MPP1: variants seen among roughly 807,000 people sequenced by gnomAD.
MPP1 encodes the protein MAGUK p55 scaffold protein 1.
A neutral mutation model predicts 38.2 loss-of-function variants in MPP1; 6 were observed. The observed-to-expected ratio is 0.16, with a 90% CI of 0.09 to 0.31. The LOEUF (loss-of-function observed/expected upper bound fraction) is 0.31. Among genes scored for constraint, MPP1 ranks in the 10% least tolerant of loss-of-function variants. The pLI, the probability that MPP1 is intolerant of heterozygous loss-of-function variation, is 1.00. For missense variants in MPP1, 293 were observed against 368.9 expected (o/e 0.79, Z 1.69); for synonymous variants, 153 against 146.3 (o/e 1.05, Z -0.33).
chrX:154,791,621 C>T, intron 3 of MPP1, 148 bp downstream of exon 3: 1 of 471,807 alleles, frequency 2.1e-6, no homozygotes, highest in Non-Finnish European at 3.7e-6. Flanking sequence ...TTCTACAGAG[C>T]CAGTTATTAA....
intron 9 of MPP1, chrX:154,782,795 TTA>T (rs2072024619): frequency 8.9e-6 from 1 of 112,529 alleles, no homozygotes; most frequent in Non-Finnish European, 1.9e-5. Flanking sequence ...CTGGTTCTTG[TTA>T]TATGTCATTT....
intron 5 of MPP1, among the ~76,000 whole-genome samples, chrX:154,787,101 AACACACAC>A (rs59779466): frequency 0.48 from 39,339 of 82,459 alleles, 8,180 homozygotes; most frequent in Non-Finnish European, 0.6. Context: ...CCTGCTCCCA[AACACACAC>A]ACACACACAC....
chrX:154,804,302 C>T (rs782229693), intron 1 of MPP1, among the ~76,000 whole-genome samples: 5 of 111,826 alleles, frequency 4.5e-5, no homozygotes, highest in Non-Finnish European at 9.4e-5. Context: ...ATTAATTTAG[C>T]AAACATTTCT....
At chrX:154,791,333 C>CTAAAA in intron 3 of MPP1, 1 of 359,205 alleles carries the variant, frequency 2.8e-6, no homozygotes, top group Non-Finnish European at 4.8e-6. Flanking sequence ...GACTATGACA[C>CTAAAA]AGATGTATAC....
In MPP1 at chrX:154,791,919, G is replaced by A. The variant is rs140876301; in HGVS notation, c.247-72C>T. ...TGAGGTTATTTTAGAAAGAACTTAC[G>A]GTAATTTCTCAGGAAAATATTTTCC... On this transcript the variant is annotated intron_variant, in intron 2 of 11. Transcript: ENST00000369534. 2,806 of 1,053,577 alleles carry A rather than the reference G, an allele frequency of 2.7e-3. 14 individuals carry two copies. In the Middle Eastern group the frequency reaches 0.057, roughly 22 times the overall value. 86.8% of individuals were successfully genotyped at this position (1,053,577 alleles called of 1,213,427 possible).
At chrX:154,790,129 G>T in intron 4 of MPP1, 107 bp from the exon 5 acceptor site, 1 of 495,009 alleles carries the variant, frequency 2.0e-6, no homozygotes. Context: ...TTTACATTTT[G>T]AGATTTTGTA....
chrX:154,796,068 C>A (rs2072192918), intron 1 of MPP1, among the ~76,000 whole-genome samples: 1 of 109,845 alleles, frequency 9.1e-6, no homozygotes, highest in South Asian at 3.9e-4. Flanking sequence ...GAAATAGAAA[C>A]CCACAAAAAG....
chrX:154,790,777 G>GCTCT (rs782509741), intron 4 of MPP1, among the ~76,000 whole-genome samples: 1 of 112,037 alleles, frequency 8.9e-6, no homozygotes, highest in East Asian at 2.8e-4. Context: ...CCAGATTGAT[G>GCTCT]CTCTGGGTTA....
intron 1 of MPP1, among the ~76,000 whole-genome samples, chrX:154,793,423 T>C (rs1557267927): frequency 8.9e-6 from 1 of 112,507 alleles, no homozygotes. Flanking sequence ...AATCCTGAAC[T>C]TGAGCCAATG....
intron 9 of MPP1, chrX:154,782,440 AG>A (rs2072019592): frequency 8.9e-6 from 1 of 111,920 alleles, no homozygotes; most frequent in African/African-American, 3.3e-5. Flanking sequence ...ATTCTCTTGA[AG>A]GAGGAGCCTG....
intron 1 of MPP1, among the ~76,000 whole-genome samples, chrX:154,801,758 C>CAAAAG (rs2072264310): frequency 1.5e-4 from 1 of 6,851 alleles, no homozygotes; most frequent in Non-Finnish European, 2.2e-4. Context: ...AACTCTGTCT[C>CAAAAG]AAAAAAAAAA....
chrX:154,779,962 G>A (rs999894961), intron 11 of MPP1, among the ~76,000 whole-genome samples: 1 of 112,393 alleles, frequency 8.9e-6, no homozygotes, highest in Non-Finnish European at 1.9e-5. Context: ...CAGGTGATCC[G>A]CCCGCCTCGG....
At chrX:154,789,537 T>C (rs922181534) in intron 5 of MPP1, among the ~76,000 whole-genome samples, 2 of 112,560 alleles carry the variant, frequency 1.8e-5, no homozygotes, top group African/African-American at 3.2e-5. Flanking sequence ...AATTTGCATT[T>C]CTTTGATGAT....
chrX:154,783,966 G>T, intron 8 of MPP1, 62 bp downstream of exon 8: 1 of 1,043,781 alleles, frequency 9.6e-7, no homozygotes, highest in South Asian at 2.0e-5. Context: ...TTTGGGGGTG[G>T]GCACGTGATG....
At chrX:154,803,877 C>T (rs1331552447) in intron 1 of MPP1, among the ~76,000 whole-genome samples, 1 of 112,267 alleles carries the variant, frequency 8.9e-6, no homozygotes, top group Admixed American at 9.4e-5. Context: ...AGTTGAGGCT[C>T]AGCCAAGTGA....
At chrX:154,800,018 T>C (rs1436458750) in intron 1 of MPP1, 3 of 520,421 alleles carry the variant, frequency 5.8e-6, no homozygotes, top group Non-Finnish European at 8.7e-6. Flanking sequence ...ACAGTGAACA[T>C]AGGAAAGAAC....
At chrX:154,796,048 C>T (rs782427130) in intron 1 of MPP1, among the ~76,000 whole-genome samples, 67 of 110,258 alleles carry the variant, frequency 6.1e-4, no homozygotes, top group African/African-American at 2.1e-3. Flanking sequence ...TAAGAGTAAA[C>T]GGGAGGAGGG....
At chrX:154,795,744 GAC>G (rs1223462567) in intron 1 of MPP1, among the ~76,000 whole-genome samples, 1 of 111,442 alleles carries the variant, frequency 9.0e-6, no homozygotes, top group African/African-American at 3.3e-5. Flanking sequence ...TAGCCTGGGT[GAC>G]AGAGTGAGAC....
At chrX:154,783,747 G>A (rs889755268) in intron 8 of MPP1, 1 of 430,427 alleles carries the variant, frequency 2.3e-6, no homozygotes, top group African/African-American at 2.5e-5. Context: ...TTGGGGGAAG[G>A]GAGATTTACA....
Sources: allele counts gnomAD v4.1 joint callset (sites outside exome capture counted in the v4.1 genomes callset), GRCh38; gene constraint gnomAD v4.1.1; transcripts MANE v1.5; gene names NCBI Gene and HGNC (gene_info 2026-07-23, HGNC 2026-07-21).